Variants in CDH6 observed in about 807,000 individuals in gnomAD.
CDH6 encodes cadherin 6.
CDH6 carries 31 observed loss-of-function variants against 78.0 expected under a neutral mutation model. The observed-to-expected ratio is 0.40, with a 90% CI of 0.30 to 0.54. The LOEUF (loss-of-function observed/expected upper bound fraction) is 0.54, where lower values mean the gene tolerates loss of function less well. CDH6 is among the 20% of genes least tolerant of loss of function. The probability of loss-of-function intolerance (pLI) is 0.56; values close to 1 mark genes in which losing one functional copy is unlikely to be tolerated. For synonymous variants in CDH6, 376 were observed against 368.8 expected (o/e 1.02, Z -0.23); for missense variants, 724 against 975.9 (o/e 0.74, Z 3.44).
chr5:31,233,514 CA>C (rs762640872), intron 1 of CDH6, among the ~76,000 whole-genome samples: 5 of 7,516 alleles, frequency 6.7e-4, no homozygotes, highest in South Asian at 2.8e-3. Context: ...GACTCTGTCT[CA>C]AAAAAAAAAA....
At chr5:31,229,612 A>G (rs1037163352) in intron 1 of CDH6, among the ~76,000 whole-genome samples, 2 of 152,202 alleles carry the variant, frequency 1.3e-5, no homozygotes, top group African/African-American at 4.8e-5. Flanking sequence ...AAAGAATTCT[A>G]ACTCTGAAAA....
At chr5:31,315,258 C>T (rs1351209706) in intron 8 of CDH6, among the ~76,000 whole-genome samples, 1 of 152,110 alleles carries the variant, frequency 6.6e-6, no homozygotes, top group African/African-American at 2.4e-5. Context: ...TATGGTTTGT[C>T]CATCCCCATT....
At chr5:31,232,626 T>C (rs1741344690) in intron 1 of CDH6, among the ~76,000 whole-genome samples, 1 of 152,240 alleles carries the variant, frequency 6.6e-6, no homozygotes, top group Non-Finnish European at 1.5e-5. Context: ...GAAAGAAAAG[T>C]TCAAACAAGT....
intron 1 of CDH6, among the ~76,000 whole-genome samples, chr5:31,205,581 C>T (rs919591591): frequency 7.9e-5 from 12 of 152,208 alleles, no homozygotes; most frequent in Non-Finnish European, 1.6e-4. Flanking sequence ...CCTGAGTTTA[C>T]ACTTTTAACA....
At chr5:31,220,885 G>A (rs1188915771) in intron 1 of CDH6, among the ~76,000 whole-genome samples, 1 of 151,292 alleles carries the variant, frequency 6.6e-6, no homozygotes, top group African/African-American at 2.4e-5. Context: ...GGAAGCAAGT[G>A]ACTGATCCAG....
chr5:31,256,685 G>A (rs1742065401), intron 1 of CDH6, among the ~76,000 whole-genome samples: 1 of 152,174 alleles, frequency 6.6e-6, no homozygotes, highest in African/African-American at 2.4e-5. Context: ...TTTATCAGGT[G>A]CCTCCCCTGA....
At chr5:31,269,930 A>G (rs1742474655) in intron 2 of CDH6, among the ~76,000 whole-genome samples, 1 of 152,186 alleles carries the variant, frequency 6.6e-6, no homozygotes, top group African/African-American at 2.4e-5. Context: ...AAGTTGCCTC[A>G]TGGCTGTATC....
rs1158679599 is a variant in CDH6, at chr5:31,326,185, A to G, written c.*2877A>G. 3 of 226,872 alleles carry G rather than the reference A, an allele frequency of 1.3e-5. No homozygotes were observed. Among genetic ancestry groups the G allele is most frequent in the Non-Finnish European group, 2.6e-5 (3 of 114,248 alleles). The allele number at this position is 226,872 out of a possible 1,614,324, so 14.1% of individuals were successfully genotyped here. A position where few individuals can be genotyped will look rare whatever the true frequency, so the allele number is the denominator to read the frequency against. On this transcript the variant is annotated 3_prime_UTR_variant, in exon 12 of 12. Coordinates refer to ENST00000265071, the MANE Select transcript of CDH6 (RefSeq NM_004932.4). The stretch of plus-strand genomic sequence containing the variant: ...TAAAATTTTAATATTTGTTTCAATC[A>G]CTTTGAAACTAAAATTCATTAAGCA...
At chr5:31,265,769 GTTTTTTTTTT>G (rs35184792) in intron 1 of CDH6, among the ~76,000 whole-genome samples, 1 of 78,406 alleles carries the variant, frequency 1.3e-5, no homozygotes, top group African/African-American at 5.2e-5. Context: ...TTAAGACAAT[GTTTTTTTTTT>G]TTTTTTTTTT....
At chr5:31,202,654 T>C (rs990983517) in intron 1 of CDH6, among the ~76,000 whole-genome samples, 5 of 121,316 alleles carry the variant, frequency 4.1e-5, no homozygotes, top group African/African-American at 1.1e-4. Flanking sequence ...TATATATATA[T>C]ACACACACAT....
In CDH6 at chr5:31,324,122, A is replaced by T; in HGVS notation, c.*814A>T. Reference sequence around the variant, plus strand: ...TTGGCCACCACATGTATCACGGGTCACTTGAAATTCTTTCAGCTATCAGTA... The same window carrying T: ...TTGGCCACCACATGTATCACGGGTCTCTTGAAATTCTTTCAGCTATCAGTA... On this transcript the variant is annotated 3_prime_UTR_variant, in exon 12 of 12. Coordinates refer to ENST00000265071, the MANE Select transcript of CDH6 (RefSeq NM_004932.4). The T allele has an allele frequency of 4.5e-6, 1 of 221,764 alleles. No homozygotes were observed. Among genetic ancestry groups the T allele is most frequent in the Middle Eastern group, 1.4e-3 (1 of 698 alleles). The allele number at this position is 221,764 out of a possible 1,614,324, so 13.7% of individuals were successfully genotyped here.
intron 2 of CDH6, among the ~76,000 whole-genome samples, chr5:31,281,826 T>C (rs1742873817): frequency 6.6e-6 from 1 of 152,194 alleles, no homozygotes; most frequent in Non-Finnish European, 1.5e-5. Context: ...TGAATGAGAA[T>C]AGACTTTGGA....
intron 1 of CDH6, among the ~76,000 whole-genome samples, chr5:31,234,778 TATAC>T (rs1191641900): frequency 6.6e-6 from 1 of 152,218 alleles, no homozygotes; most frequent in Non-Finnish European, 1.5e-5. Context: ...TACATAAACA[TATAC>T]ATACATATGC....
At chr5:31,219,581 A>T (rs912434173) in intron 1 of CDH6, among the ~76,000 whole-genome samples, 1 of 152,120 alleles carries the variant, frequency 6.6e-6, no homozygotes, top group Non-Finnish European at 1.5e-5. Flanking sequence ...AGCTCACCCC[A>T]GATACACCAT....
intron 1 of CDH6, among the ~76,000 whole-genome samples, chr5:31,261,730 CA>C (rs1188725567): frequency 2.0e-5 from 3 of 152,084 alleles, no homozygotes; most frequent in Admixed American, 1.3e-4. Context: ...AATTAATCAA[CA>C]ACACCAGAAC....
At chr5:31,276,861 A>T (rs951339368) in intron 2 of CDH6, among the ~76,000 whole-genome samples, 1 of 152,244 alleles carries the variant, frequency 6.6e-6, no homozygotes, top group African/African-American at 2.4e-5. Flanking sequence ...CTTAATACAC[A>T]GAAAAGGCTT....
At chr5:31,215,891 A>G (rs1372800250) in intron 1 of CDH6, among the ~76,000 whole-genome samples, 1 of 152,140 alleles carries the variant, frequency 6.6e-6, no homozygotes, top group East Asian at 1.9e-4. Flanking sequence ...GCAAATTTCC[A>G]CATAGCAACC....
intron 1 of CDH6, among the ~76,000 whole-genome samples, chr5:31,253,059 C>T (rs748312614): frequency 3.9e-5 from 6 of 152,120 alleles, no homozygotes; most frequent in Non-Finnish European, 7.4e-5. Flanking sequence ...CTAGGAAGTC[C>T]AAGATCAAGG....
intron 11 of CDH6, among the ~76,000 whole-genome samples, chr5:31,321,032 T>C (rs1738465201): frequency 1.3e-5 from 2 of 151,598 alleles, no homozygotes; most frequent in African/African-American, 2.4e-5. Context: ...CTCAAACATA[T>C]ACAGAAGTAT....
Sources: allele counts gnomAD v4.1 joint callset (sites outside exome capture counted in the v4.1 genomes callset), GRCh38; gene constraint gnomAD v4.1.1; transcripts MANE v1.5; gene names NCBI Gene and HGNC (gene_info 2026-07-23, HGNC 2026-07-21).